Variants in VAV3 observed in about 807,000 individuals in gnomAD.
The protein encoded by VAV3 is vav guanine nucleotide exchange factor 3.
Under a neutral mutation model 131.2 loss-of-function variants are expected in VAV3, and 94 were observed. The observed-to-expected ratio is 0.72, with a 90% CI of 0.61 to 0.85. The LOEUF (loss-of-function observed/expected upper bound fraction) is 0.85, where lower values mean the gene tolerates loss of function less well. VAV3 is among the 40% of genes least tolerant of loss of function. VAV3 has a pLI of 0.00. For synonymous variants in VAV3, 349 were observed against 342.0 expected, an observed-to-expected ratio of 1.02 and a Z score of -0.22; for missense variants, 939 against 1,002.7, an observed-to-expected ratio of 0.94 and a Z score of 0.86.
chr1:107,714,784 G>T (rs1248367664), intron 15 of VAV3, among the ~76,000 whole-genome samples: 1 of 151,896 alleles, frequency 6.6e-6, no homozygotes, highest in Non-Finnish European at 1.5e-5. Context: ...TCCAAATCAC[G>T]TACAGTCTTT....
At chr1:107,751,543 A>C (rs986918068) in intron 12 of VAV3, among the ~76,000 whole-genome samples, 15 of 152,354 alleles carry the variant, frequency 9.8e-5, no homozygotes, top group Non-Finnish European at 1.9e-4. Context: ...CGTGCCAACC[A>C]CCATAACAGG....
chr1:107,686,736 A>G (rs1659055539), intron 18 of VAV3, among the ~76,000 whole-genome samples: 1 of 152,230 alleles, frequency 6.6e-6, no homozygotes, highest in Non-Finnish European at 1.5e-5. Context: ...ATATTTTTAA[A>G]AATCAATGTG....
chr1:107,891,557 G>C (rs1307994459), intron 1 of VAV3, among the ~76,000 whole-genome samples: 1 of 151,530 alleles, frequency 6.6e-6, no homozygotes, highest in Non-Finnish European at 1.5e-5. Context: ...GGCTCAGTTG[G>C]GGTGGGCACG....
At chr1:107,830,605 C>T (rs764981063) in intron 2 of VAV3, among the ~76,000 whole-genome samples, 1 of 152,154 alleles carries the variant, frequency 6.6e-6, no homozygotes, top group African/African-American at 2.4e-5. Flanking sequence ...CCCTCCAGCC[C>T]CTGCCTCTTT....
chr1:107,954,448 T>C (rs1489056215), intron 1 of VAV3, among the ~76,000 whole-genome samples: 2 of 152,132 alleles, frequency 1.3e-5, no homozygotes, highest in South Asian at 2.1e-4. Context: ...TCCCATTATA[T>C]ACCTGTCAAA....
rs547386843 is a variant in VAV3 at position 107,574,963 on chromosome 1, C to G, written c.2351-765G>C. 1.5e-3 allele frequency among the ~76,000 whole-genome samples: 120 copies of G among 81,172 alleles called. 1 individual carries two copies. In the East Asian group the frequency reaches 0.029, roughly 20 times the overall value. 53.3% of individuals were successfully genotyped at this position (81,172 alleles called of 152,430 possible). ...ATCCTGTGTTCAGAGTTGAGTTTCT[C>G]TGTGTGTGTGTGTGTGTGTGTGTGT... On this transcript the variant is annotated intron_variant, in intron 25 of 26. Coordinates refer to ENST00000370056, the MANE Select transcript of VAV3 (RefSeq NM_006113.5).
At chr1:107,820,473 G>T (rs1030778059) in intron 2 of VAV3, among the ~76,000 whole-genome samples, 10 of 151,760 alleles carry the variant, frequency 6.6e-5, no homozygotes, top group African/African-American at 2.4e-4. Context: ...GAAGGGGAGT[G>T]GGGGGGTAGG....
At chr1:107,801,227 T>C (rs1303785548) in intron 2 of VAV3, among the ~76,000 whole-genome samples, 1 of 152,142 alleles carries the variant, frequency 6.6e-6, no homozygotes, top group African/African-American at 2.4e-5. Flanking sequence ...TGTAGTATAT[T>C]TGGAAGTCAG....
chr1:107,685,640 A>G (rs1241075550), intron 18 of VAV3: 2 of 152,168 alleles, frequency 1.3e-5, no homozygotes, highest in South Asian at 2.1e-4. Flanking sequence ...TTTAAAAAAT[A>G]ACATCGGAGG....
chr1:107,935,887 G>C (rs1400557720), intron 1 of VAV3, among the ~76,000 whole-genome samples: 1 of 152,116 alleles, frequency 6.6e-6, no homozygotes, highest in Non-Finnish European at 1.5e-5. Flanking sequence ...CTAATGGAAG[G>C]GAGATAAGGC....
intron 25 of VAV3, among the ~76,000 whole-genome samples, chr1:107,589,483 C>T (rs1024220080): frequency 6.6e-6 from 1 of 152,180 alleles, no homozygotes; most frequent in East Asian, 1.9e-4. Flanking sequence ...GAGGGATTCT[C>T]CCTCAGAGCC....
At chr1:107,758,596 G>T (rs886698756) in intron 10 of VAV3, among the ~76,000 whole-genome samples, 2 of 151,970 alleles carry the variant, frequency 1.3e-5, no homozygotes, top group African/African-American at 4.8e-5. Context: ...TAATCATAAT[G>T]AGCTTCTGAT....
chr1:107,729,107 G>A (rs1349578112), intron 15 of VAV3, among the ~76,000 whole-genome samples: 1 of 152,136 alleles, frequency 6.6e-6, no homozygotes, highest in Non-Finnish European at 1.5e-5. Context: ...AACTACTTAT[G>A]ACCTCAGGTA....
chr1:107,828,917 TA>T (rs5776902), intron 2 of VAV3, among the ~76,000 whole-genome samples: 14,080 of 152,220 alleles, frequency 0.092, 822 homozygotes, highest in East Asian at 0.25. Flanking sequence ...ACCTCTGTGA[TA>T]ACACCTGCAA....
At chr1:107,796,056 T>C (rs1340248869) in intron 2 of VAV3, among the ~76,000 whole-genome samples, 1 of 152,074 alleles carries the variant, frequency 6.6e-6, no homozygotes, top group African/African-American at 2.4e-5. Context: ...CAGAAAAGCT[T>C]AATCTTTTTT....
intron 18 of VAV3, 63 bp downstream of exon 18, chr1:107,688,318 G>C: frequency 6.4e-7 from 1 of 1,571,898 alleles, no homozygotes; most frequent in Non-Finnish European, 8.7e-7. Context: ...CCCAAGCCTG[G>C]TTAAGTTAGC....
In VAV3 at chr1:107,799,165, T is replaced by C. The variant is rs548488481; in HGVS notation, c.322-19673A>G. Among the ~76,000 whole-genome samples, 14 of 152,328 alleles carry C rather than the reference T, an allele frequency of 9.2e-5. No homozygotes were observed. The South Asian group carries it at 2.9e-3, about 32-fold the overall frequency. ...ACTTTTCATTTAGCTATGTAAATTG[T>C]GGATTTCACTTTTTAGTTACCTCAT... On this transcript the variant is annotated intron_variant, in intron 2 of 26. Transcript: ENST00000370056.
intron 1 of VAV3, among the ~76,000 whole-genome samples, chr1:107,947,067 C>T (rs892072832): frequency 1.3e-5 from 2 of 152,084 alleles, no homozygotes; most frequent in Admixed American, 6.5e-5. Flanking sequence ...GCAGCAGATC[C>T]AAAATTTGAA....
chr1:107,855,234 C>CA lies in VAV3; in HGVS notation c.321+19666dup, dbSNP rs1168999625. Among the ~76,000 whole-genome samples the CA allele has an allele frequency of 3.9e-5, 6 of 151,970 alleles. No individual in the cohort carries two copies. In the South Asian group the frequency reaches 6.2e-4, roughly 16 times the overall value. Reference sequence around the variant, plus strand: ...GTGAACAGCATTCTACTGTCTGTCACAAAAAAGGCTCTTCAAGAAATCTCT... The same window carrying CA: ...GTGAACAGCATTCTACTGTCTGTCACAAAAAAAGGCTCTTCAAGAAATCTCT... On this transcript the variant is annotated intron_variant, in intron 2 of 26. Transcript: ENST00000370056.
Sources: gnomAD v4.1 joint callset for allele counts (sites outside exome capture counted in the v4.1 genomes callset) on GRCh38, gnomAD v4.1.1 for gene constraint, MANE v1.5 for transcripts, NCBI Gene and HGNC (gene_info 2026-07-23, HGNC 2026-07-21) for gene names.